FAM180A: variants seen among roughly 807,000 people sequenced by gnomAD.
The protein encoded by FAM180A is family with sequence similarity 180 member A.
A neutral mutation model predicts 15.3 loss-of-function variants in FAM180A; 14 were observed. That is an observed-to-expected ratio of 0.92 (90% CI 0.61 to 1.43). The LOEUF (loss-of-function observed/expected upper bound fraction) is 1.43, where lower values mean the gene tolerates loss of function less well. Among genes scored for constraint, FAM180A ranks in the 40% most tolerant of loss-of-function variants. The probability of loss-of-function intolerance (pLI) is 0.00; values close to 1 mark genes in which losing one functional copy is unlikely to be tolerated. For missense variants in FAM180A, 200 were observed against 220.8 expected, an observed-to-expected ratio of 0.91 and a Z score of 0.60; for synonymous variants, 90 against 96.8, an observed-to-expected ratio of 0.93 and a Z score of 0.41.
intron 1 of FAM180A, among the ~76,000 whole-genome samples, chr7:135,741,506 ACT>A (rs1024265326): frequency 9.4e-6 from 1 of 106,426 alleles, no homozygotes. Flanking sequence ...ACAGACTGAG[ACT>A]CTGTCTCAAA....
intron 1 of FAM180A, among the ~76,000 whole-genome samples, chr7:135,740,770 A>G (rs767638858): frequency 4.6e-5 from 7 of 151,476 alleles, no homozygotes; most frequent in Non-Finnish European, 1.0e-4. Context: ...TTGGTATGAG[A>G]TGAGTTGGTC....
Position 135,730,222 on chromosome 7 carries a change from C to T in FAM180A, c.*389G>A. On this transcript the variant is annotated 3_prime_UTR_variant, in exon 4 of 4. Coordinates refer to ENST00000338588, the MANE Select transcript of FAM180A (RefSeq NM_205855.4). ...GACATTGGAGATAGCTGTGAGGATG[C>T]CAACGATGGAGGAAACTTAGAAAGT... 1.0e-6 allele frequency: 1 copy of T among 985,294 alleles called. No individual in the cohort carries two copies. Among genetic ancestry groups the T allele is most frequent in the Non-Finnish European group, 1.2e-6 (1 of 829,902 alleles). 61.0% of individuals were successfully genotyped at this position (985,294 alleles called of 1,614,324 possible). A position where few individuals can be genotyped will look rare whatever the true frequency, so the allele number is the denominator to read the frequency against.
rs183841711 is a variant in FAM180A at position 135,729,818 on chromosome 7, G to A, written c.*793C>T. 1 of 921,280 alleles carries A rather than the reference G, an allele frequency of 1.1e-6. No individual in the cohort carries two copies. The highest frequency in any genetic ancestry group is 1.8e-5 in the African/African-American group (1 of 55,952). 57.1% of individuals were successfully genotyped at this position (921,280 alleles called of 1,614,324 possible). Reference sequence around the variant, plus strand: ...GTAGTCAGACTCTCAAAAACAGAAAGCAGAATAATGGTGCCAAGAGCTGGG... The same window carrying A: ...GTAGTCAGACTCTCAAAAACAGAAAACAGAATAATGGTGCCAAGAGCTGGG... On this transcript the variant is annotated 3_prime_UTR_variant, in exon 4 of 4. Transcript: ENST00000338588.
chr7:135,729,991 A>G lies in FAM180A; in HGVS notation c.*620T>C. ...TGCTTAAAAATGGTTAAGATGGTACATTTTACCTGATGTGTTTTTTACCAC... is the reference window on the plus strand; with the variant it reads ...TGCTTAAAAATGGTTAAGATGGTACGTTTTACCTGATGTGTTTTTTACCAC... On this transcript the variant is annotated 3_prime_UTR_variant, in exon 4 of 4. Transcript: ENST00000338588. 1.0e-6 allele frequency: 1 copy of G among 964,844 alleles called. No homozygotes were observed. The highest frequency in any genetic ancestry group is 1.2e-6 in the Non-Finnish European group (1 of 811,234). The allele number at this position is 964,844 out of a possible 1,614,324, so 59.8% of individuals were successfully genotyped here.
chr7:135,730,547 CA>C (rs1303947140), intron 3 of FAM180A, among the ~76,000 whole-genome samples: 4 of 151,992 alleles, frequency 2.6e-5, no homozygotes, highest in African/African-American at 4.8e-5. Context: ...AAAAACAAAA[CA>C]AAAAAACCCA....
Position 135,734,138 on chromosome 7 carries a change from T to G in FAM180A, c.359A>C (p.Lys120Thr), listed in dbSNP as rs141445055. Reference protein sequence around the residue: ...SLSSHPGILKKEDFERTVLTL... With the variant: ...SLSSHPGILKTEDFERTVLTL... Reference sequence around the variant, plus strand: ...CAGCACTGTCCTTTCAAAGTCTTCTTTCTTGAGGATGCCAGGGTGGCTGGA... The same window carrying G: ...CAGCACTGTCCTTTCAAAGTCTTCTGTCTTGAGGATGCCAGGGTGGCTGGA... Residue 120 changes from lysine (K) to threonine (T), a missense_variant, in exon 3 of 4, where the codon AAA (lysine) becomes ACA (threonine). By Grantham distance (78) the Lys-to-Thr change is moderately conservative (BLOSUM62 -1). Transcript: ENST00000338588. 85 of 1,614,182 alleles carry G rather than the reference T, an allele frequency of 5.3e-5. No homozygotes were observed. The African/African-American group carries it at 8.4e-4, about 16-fold the overall frequency.
rs1054164788 is a variant in FAM180A at position 135,737,080 on chromosome 7, C to T, written c.177+19G>A. 6.3e-7 allele frequency: 1 copy of T among 1,582,960 alleles called. No homozygotes were observed. Among genetic ancestry groups the T allele is most frequent in the Non-Finnish European group, 8.7e-7 (1 of 1,154,540 alleles). The stretch of plus-strand genomic sequence containing the variant: ...AGTCTTTTGGGTGACTTGGATTGAG[C>T]ATGTTCCCCTCTGCCTACCTCGTAG... On this transcript the variant is annotated intron_variant, in intron 2 of 3. Transcript: ENST00000338588.
In FAM180A at chr7:135,733,641, C is replaced by T. The variant is rs1444545119; in HGVS notation, c.*329+5G>A. On this transcript the variant is annotated splice_donor_5th_base_variant and intron_variant, in intron 3 of 3. Transcript: ENST00000338588. Reference sequence around the variant, plus strand: ...GGATTACAGGCGTGAGCCTCTGTGCCCGGCCTGTTCTCACTCTTGAGTGTG... The same window carrying T: ...GGATTACAGGCGTGAGCCTCTGTGCTCGGCCTGTTCTCACTCTTGAGTGTG... The T allele has an allele frequency of 2.9e-5, 31 of 1,065,086 alleles. No individual in the cohort carries two copies. The highest frequency in any genetic ancestry group is 4.2e-5 in the South Asian group (1 of 24,008). The allele number at this position is 1,065,086 out of a possible 1,614,324, so 66.0% of individuals were successfully genotyped here.
chr7:135,741,515 C>CAA (rs35800497), intron 1 of FAM180A, among the ~76,000 whole-genome samples: 3 of 135,210 alleles, frequency 2.2e-5, no homozygotes, highest in Non-Finnish European at 3.3e-5. Flanking sequence ...GACTCTGTCT[C>CAA]AAAAAAAAAA....
intron 2 of FAM180A, among the ~76,000 whole-genome samples, chr7:135,735,781 C>A (rs998702541): frequency 3.9e-5 from 6 of 152,188 alleles, no homozygotes; most frequent in Admixed American, 6.5e-5. Flanking sequence ...GAGATCACTG[C>A]AACCTCCACC....
chr7:135,740,959 C>CA (rs369143910), intron 1 of FAM180A, among the ~76,000 whole-genome samples: 16,907 of 39,752 alleles, frequency 0.43, 2,536 homozygotes, highest in African/African-American at 0.58. Flanking sequence ...TAAAAAAAAA[C>CA]AAAACAAAAC....
chr7:135,734,047 C>T lies in FAM180A; in HGVS notation c.450G>A (p.Gln150=). ...GGGCCTGGAAGAGGCTAACGAGGGA[C>T]TGCGCCCAGATGTCCTTCTGATGGC... ...SHGHQKDIWA[Q]SLVSLFQALR... is the part of the protein sequence containing the mutation. Residue 150 remains glutamine (Q), a synonymous_variant, in exon 3 of 4, where the codon CAG becomes CAA. Coordinates refer to ENST00000338588, the MANE Select transcript of FAM180A (RefSeq NM_205855.4). The T allele has an allele frequency of 1.2e-6, 2 of 1,614,216 alleles. No individual in the cohort carries two copies. The highest frequency in any genetic ancestry group is 1.7e-6 in the Non-Finnish European group (2 of 1,180,040).
intron 2 of FAM180A, among the ~76,000 whole-genome samples, chr7:135,735,659 C>T (rs1796859295): frequency 1.3e-5 from 2 of 152,194 alleles, no homozygotes; most frequent in African/African-American, 4.8e-5. Context: ...GATTTGAAAT[C>T]TCTCCCCCTG....
Position 135,733,958 on chromosome 7 carries a change from T to C in FAM180A, c.*17A>G. ...TGTGCTGGTCCCTGCTCTGAGGTCC[T>C]GGTGTGGGCCAGTCTCTCAGGGAGG... is the stretch of plus-strand genomic sequence containing the variant. On this transcript the variant is annotated 3_prime_UTR_variant, in exon 3 of 4. Transcript: ENST00000338588. The C allele has an allele frequency of 6.4e-7, 1 of 1,568,140 alleles. No individual in the cohort carries two copies. The highest frequency in any genetic ancestry group is 8.6e-7 in the Non-Finnish European group (1 of 1,157,102).
intron 3 of FAM180A, among the ~76,000 whole-genome samples, chr7:135,731,200 G>A (rs1332855183): frequency 6.6e-6 from 1 of 152,000 alleles, no homozygotes; most frequent in Admixed American, 6.6e-5. Context: ...GCCTCGGGGC[G>A]GGATACAAGA....
chr7:135,746,129 C>T (rs1421311142), intron 1 of FAM180A, among the ~76,000 whole-genome samples: 1 of 152,096 alleles, frequency 6.6e-6, no homozygotes, highest in Non-Finnish European at 1.5e-5. Flanking sequence ...ACATCCGCTG[C>T]CTCATAGTGA....
At chr7:135,738,066 T>C (rs1584751738) in intron 1 of FAM180A, among the ~76,000 whole-genome samples, 1 of 152,302 alleles carries the variant, frequency 6.6e-6, no homozygotes, top group East Asian at 1.9e-4. Context: ...ATCCAAAATA[T>C]AGCTGCCAAG....
rs143588470 is a variant in FAM180A, at chr7:135,732,689, TCACACA to T, written c.*329+951_*329+956del. Among the ~76,000 whole-genome samples, 1,220 of 141,910 alleles carry T rather than the reference TCACACA, an allele frequency of 8.6e-3. 8 individuals are homozygous for T. The highest frequency in any genetic ancestry group is 0.021 in the South Asian group (89 of 4,160). The allele number at this position is 141,910 out of a possible 152,430, so 93.1% of individuals were successfully genotyped here. A position where few individuals can be genotyped will look rare whatever the true frequency, so the allele number is the denominator to read the frequency against. On this transcript the variant is annotated intron_variant, in intron 3 of 3. Coordinates refer to ENST00000338588, the MANE Select transcript of FAM180A (RefSeq NM_205855.4). ...GCCAGGATGGCAGAGCGAGACTCCA[TCACACA>T]CACACACACACACACACACACACAC...
chr7:135,741,203 C>T (rs1202407827), intron 1 of FAM180A, among the ~76,000 whole-genome samples: 1 of 152,230 alleles, frequency 6.6e-6, no homozygotes, highest in East Asian at 1.9e-4. Context: ...GAAAATACTT[C>T]CTGATTCAAA....
Sources: allele counts gnomAD v4.1 joint callset (sites outside exome capture counted in the v4.1 genomes callset), GRCh38; gene constraint gnomAD v4.1.1; transcripts MANE v1.5; gene names NCBI Gene and HGNC (gene_info 2026-07-23, HGNC 2026-07-21).